The following E4F1 variants were observed in gnomAD, a reference collection of about 807,000 sequenced individuals.
E4F1 encodes the protein transcription factor E4F1.
A neutral mutation model predicts 72.9 loss-of-function variants in E4F1; 30 were observed. The ratio of observed to expected loss-of-function variants is 0.41; its 90% CI spans 0.31 to 0.56. The LOEUF (loss-of-function observed/expected upper bound fraction) is 0.56, where lower values mean the gene tolerates loss of function less well. Among genes scored for constraint, E4F1 ranks in the 20% least tolerant of loss-of-function variants. The pLI, the probability that E4F1 is intolerant of heterozygous loss-of-function variation, is 0.25. For missense variants in E4F1, 1,091 were observed against 1,117.5 expected, an observed-to-expected ratio of 0.98 and a Z score of 0.34; for synonymous variants, 542 against 478.2, an observed-to-expected ratio of 1.13 and a Z score of -1.74.
chr16:2,224,135 G>A lies in E4F1; in HGVS notation c.157+365G>A, dbSNP rs1270031437. Among the ~76,000 whole-genome samples, 3 of 152,352 alleles carry A rather than the reference G, an allele frequency of 2.0e-5. No homozygotes were observed. In the East Asian group the frequency reaches 5.8e-4, roughly 29 times the overall value. ...GGCCCCTTCCTCCTGCACCTGATGGGCGTCTAGGGCCCTGTTGGTGGTTCC... is the reference window on the plus strand; with the variant it reads ...GGCCCCTTCCTCCTGCACCTGATGGACGTCTAGGGCCCTGTTGGTGGTTCC... On this transcript the variant is annotated intron_variant, in intron 1 of 13. Coordinates refer to ENST00000301727, the MANE Select transcript of E4F1 (RefSeq NM_004424.5).
At chr16:2,234,558 C>G (rs768677416) in intron 10 of E4F1, 25 bp from the exon 11 acceptor site, 1 of 1,563,336 alleles carries the variant, frequency 6.4e-7, no homozygotes, top group Admixed American at 1.9e-5. Flanking sequence ...CAAGGCCAGG[C>G]TGGCACTGAC....
At position 2,229,463 on chromosome 16, in the gene E4F1, A is replaced by C. The variant is rs916538182; in HGVS notation, c.310-107A>C. On this transcript the variant is annotated intron_variant, in intron 2 of 13. Transcript: ENST00000301727. ...GGACGTGGACCCAGGCCTGAGCACC[A>C]CAAGTCACACCTCCACAGCTTTACA... The C allele has an allele frequency of 4.1e-6, 5 of 1,230,482 alleles. No individual in the cohort carries two copies. In the African/African-American group the frequency reaches 6.0e-5, roughly 15 times the overall value. 76.2% of individuals were successfully genotyped at this position (1,230,482 alleles called of 1,614,324 possible). A position where few individuals can be genotyped will look rare whatever the true frequency, so the allele number is the denominator to read the frequency against.
rs758885811 is a variant in E4F1, at chr16:2,228,419, G to A, written c.205G>A (p.Ala69Thr). Reference protein sequence around the residue: ...RCGRCQAEFTALEDFVQHKIQ... With the variant: ...RCGRCQAEFTTLEDFVQHKIQ... Reference sequence around the variant, plus strand: ...CGGCCGCTGCCAGGCAGAGTTCACCGCCTTGGAGGATTTTGTTCAGCACAA... The same window carrying A: ...CGGCCGCTGCCAGGCAGAGTTCACCACCTTGGAGGATTTTGTTCAGCACAA... The change falls in exon 2 of 14, where the codon GCC (alanine) becomes ACC (threonine). Residue 69 changes from alanine to threonine, a missense_variant. Ala to Thr is a moderately conservative substitution (Grantham distance 58). Around this residue, in one of 5 missense-constraint regions of E4F1, gnomAD observed 362 missense variants for 358.6 expected, o/e 1.01. Coordinates refer to ENST00000301727, the MANE Select transcript of E4F1 (RefSeq NM_004424.5). 1.6e-5 allele frequency: 26 copies of A among 1,613,634 alleles called. No individual in the cohort carries two copies. The highest frequency in any genetic ancestry group is 6.6e-5 in the South Asian group (6 of 91,086).
At chr16:2,233,344 G>A (rs146690492) in intron 7 of E4F1, 94 bp from the exon 8 acceptor site, 20,343 of 1,427,820 alleles carry the variant, frequency 0.014, 239 homozygotes, top group South Asian at 0.023. Context: ...GGGTCTGAGG[G>A]TTTGCACAAG....
Position 2,234,239 on chromosome 16 carries a change from C to G in E4F1, c.1444C>G (p.Gln482Glu). The G allele has an allele frequency of 6.2e-7, 1 of 1,612,844 alleles. No individual in the cohort carries two copies. Among genetic ancestry groups the G allele is most frequent in the South Asian group, 1.1e-5 (1 of 91,090 alleles). The change falls in exon 10 of 14, where the codon CAG (glutamine) becomes GAG (glutamate). Residue 482 changes from glutamine to glutamate, a missense_variant. Around this residue, in one of 5 missense-constraint regions of E4F1, gnomAD observed 622 missense variants for 628.0 expected, o/e 0.99. Coordinates refer to ENST00000301727, the MANE Select transcript of E4F1 (RefSeq NM_004424.5). ...FPKAYLLKKHQEVHVRERRFR... is the reference protein window; with the variant it reads ...FPKAYLLKKHEEVHVRERRFR... Reference sequence around the variant, plus strand: ...CAAGGCCTACCTGCTCAAGAAGCACCAGGAGGTGCACGTGCGTGAGCGCCG... The same window carrying G: ...CAAGGCCTACCTGCTCAAGAAGCACGAGGAGGTGCACGTGCGTGAGCGCCG...
chr16:2,232,814 G>C lies in E4F1; in HGVS notation c.789G>C (p.Leu263=). The C allele has an allele frequency of 1.2e-6, 2 of 1,613,424 alleles. No individual in the cohort carries two copies. Among genetic ancestry groups the C allele is most frequent in the East Asian group, 4.5e-5 (2 of 44,884 alleles). ...CGKSFRESGA[L]TRHLKSLTPC... Reference sequence around the variant, plus strand: ...AGAGCTTCCGGGAGTCGGGTGCACTGACCCGGCACCTCAAGTCTCTCACCC... The same window carrying C: ...AGAGCTTCCGGGAGTCGGGTGCACTCACCCGGCACCTCAAGTCTCTCACCC... Residue 263 remains leucine, a synonymous_variant, in exon 6 of 14, where the codon CTG becomes CTC. Transcript: ENST00000301727.
At chr16:2,227,188 C>T (rs2141439206) in intron 1 of E4F1, among the ~76,000 whole-genome samples, 1 of 152,192 alleles carries the variant, frequency 6.6e-6, no homozygotes, top group East Asian at 1.9e-4. Context: ...CGCCACACTT[C>T]CACGCTTGGC....
At chr16:2,232,428 C>A (rs1596765710) in intron 4 of E4F1, 28 bp from the exon 5 acceptor site, 1 of 1,606,686 alleles carries the variant, frequency 6.2e-7, no homozygotes, top group Non-Finnish European at 8.5e-7. Flanking sequence ...CCCAGGAGGG[C>A]CCTGAGCTGC....
chr16:2,234,455 T>A, intron 10 of E4F1, 67 bp downstream of exon 10: 1 of 1,588,618 alleles, frequency 6.3e-7, no homozygotes, highest in Middle Eastern at 1.7e-4. Flanking sequence ...GTGGCCCAGG[T>A]GCACCCCCTT....
At chr16:2,223,853 G>C (rs1268435474) in intron 1 of E4F1, 83 bp downstream of exon 1, 2 of 1,530,784 alleles carry the variant, frequency 1.3e-6, no homozygotes, top group African/African-American at 2.8e-5. Flanking sequence ...CCCGAGCTGC[G>C]GGCTCGACCG....
At chr16:2,225,429 G>A (rs986990038) in intron 1 of E4F1, among the ~76,000 whole-genome samples, 1 of 151,114 alleles carries the variant, frequency 6.6e-6, no homozygotes, top group African/African-American at 2.4e-5. Context: ...AGCCCAAGGA[G>A]TTCCAGACCA....
At position 2,234,750 on chromosome 16, in the gene E4F1, C is replaced by G. The variant is rs377473883; in HGVS notation, c.1761C>G (p.His587Gln). The change falls in exon 11 of 14, where the codon CAC becomes CAG. Residue 587 changes from histidine (H) to glutamine (Q), a missense_variant. His to Gln is a conservative substitution (Grantham distance 24, BLOSUM62 0). Transcript: ENST00000301727. ...AGTGCGGCCGTGGCTTCGCCGAGCA[C>G]GGCACGCTGAACCGGCACCTGCGCA... The part of the protein sequence containing the change: ...CYKCGRGFAE[H>Q]GTLNRHLRTK... 1.9e-6 allele frequency: 3 copies of G among 1,540,718 alleles called. No individual in the cohort carries two copies. The highest frequency in any genetic ancestry group is 1.4e-5 in the African/African-American group (1 of 72,256).
At position 2,223,726 on chromosome 16, in the gene E4F1, C is replaced by T. The variant is rs1286732173; in HGVS notation, c.113C>T (p.Ala38Val). The T allele has an allele frequency of 5.8e-6, 9 of 1,544,582 alleles. No individual in the cohort carries two copies. The highest frequency in any genetic ancestry group is 3.8e-4 in the Middle Eastern group (2 of 5,268). ...GAVAAVAAAL[A>V]PSGFLGLPAP... ...GTTGCGGCGGTGGCGGCGGCCTTGG[C>T]CCCCAGCGGCTTCCTCGGCCTCCCG... The change falls in exon 1 of 14, where the codon GCC becomes GTC. Residue 38 changes from alanine (A) to valine (V), a missense_variant. This residue lies in a region of E4F1 where 362 missense variants were observed against 358.6 expected (regional missense o/e 1.01). Coordinates refer to ENST00000301727, the MANE Select transcript of E4F1 (RefSeq NM_004424.5).
chr16:2,233,275 C>T, intron 7 of E4F1, 92 bp downstream of exon 7: 4 of 1,499,310 alleles, frequency 2.7e-6, no homozygotes, highest in Non-Finnish European at 3.6e-6. Context: ...GGGGTCTGAG[C>T]CAGGCAGGCG....
chr16:2,227,604 C>T (rs1050375028), intron 1 of E4F1, among the ~76,000 whole-genome samples: 5 of 152,094 alleles, frequency 3.3e-5, no homozygotes, highest in African/African-American at 9.7e-5. Flanking sequence ...AATCTCCTGA[C>T]CTCATGATCC....
rs1283343710 is a variant in E4F1 at position 2,233,065 on chromosome 16, A to G, written c.938A>G (p.Glu313Gly). The change falls in exon 7 of 14, where the codon GAG becomes GGG. Residue 313 changes from glutamate (E) to glycine (G), a missense_variant. Glu to Gly is a moderately conservative substitution (Grantham distance 98). This residue lies in a region of E4F1 where 101 missense variants were observed against 97.4 expected (regional missense o/e 1.04). Coordinates refer to ENST00000301727, the MANE Select transcript of E4F1 (RefSeq NM_004424.5). ...LGTATSSVTG[E>G]PIETSPVIHL... ...ACAGCCACATCATCGGTGACAGGCG[A>G]GCCTATAGAGACTTCACCCGTGATT... 1.9e-6 allele frequency: 3 copies of G among 1,611,884 alleles called. No homozygotes were observed. The highest frequency in any genetic ancestry group is 1.6e-4 in the Middle Eastern group (1 of 6,080).
intron 3 of E4F1, chr16:2,229,979 A>G: frequency 3.0e-6 from 1 of 337,638 alleles, no homozygotes; most frequent in East Asian, 6.1e-5. Context: ...AATCTTCCCC[A>G]CTTCCCTGCC....
rs746851555 is a variant in E4F1, at chr16:2,234,633, G to C, written c.1644G>C (p.Val548=). 1.2e-6 allele frequency: 2 copies of C among 1,601,604 alleles called. No homozygotes were observed. Among genetic ancestry groups the C allele is most frequent in the Non-Finnish European group, 1.7e-6 (2 of 1,174,634 alleles). Residue 548 remains valine (V), a synonymous_variant, in exon 11 of 14, where the codon GTG becomes GTC. Transcript: ENST00000301727. ...CACACCTGGAGGAGAAGCCGCACGT[G>C]TGCCAGTTCTGCAGCCGTGGCTTCC... ...FRTHLEEKPH[V]CQFCSRGFRE...
chr16:2,224,086 T>A (rs2093416309), intron 1 of E4F1, among the ~76,000 whole-genome samples: 1 of 152,258 alleles, frequency 6.6e-6, no homozygotes. Flanking sequence ...CTCCGATGCC[T>A]GAGCCTGGCC....
Sources: gnomAD v4.1 joint callset for allele counts (sites outside exome capture counted in the v4.1 genomes callset) on GRCh38, gnomAD v4.1.1 for gene constraint, gnomAD v4.1.1 regional missense constraint, MANE v1.5 for transcripts, NCBI Gene and HGNC (gene_info 2026-07-23, HGNC 2026-07-21) for gene names.